The following LRRC7 variants were observed in gnomAD, a reference collection of about 807,000 sequenced individuals.
LRRC7 encodes the protein leucine-rich repeat-containing protein 7.
LRRC7 carries 23 observed loss-of-function variants against 175.7 expected under a neutral mutation model. That is an observed-to-expected ratio of 0.13 (90% CI 0.09 to 0.19). The LOEUF (loss-of-function observed/expected upper bound fraction) is 0.19, where lower values mean the gene tolerates loss of function less well. LRRC7 is among the 10% of genes least tolerant of loss of function. The pLI is 1.00. For missense variants in LRRC7, 1,354 were observed against 1,904.7 expected, an observed-to-expected ratio of 0.71 and a Z score of 5.38; for synonymous variants, 685 against 680.9, an observed-to-expected ratio of 1.01 and a Z score of -0.09.
chr1:69,652,870 A>T (rs1349557470), intron 1 of LRRC7, among the ~76,000 whole-genome samples: 3 of 152,146 alleles, frequency 2.0e-5, no homozygotes, highest in African/African-American at 7.2e-5. Context: ...TGGCATCAAG[A>T]CTATTCAATG....
intron 1 of LRRC7, among the ~76,000 whole-genome samples, chr1:69,652,678 T>C (rs1218982498): frequency 6.6e-6 from 1 of 151,972 alleles, no homozygotes; most frequent in East Asian, 1.9e-4. Context: ...CAAAGGACTC[T>C]GAATAGCCAT....
intron 1 of LRRC7, among the ~76,000 whole-genome samples, chr1:69,575,251 A>G (rs917812733): frequency 2.0e-5 from 3 of 152,264 alleles, no homozygotes; most frequent in Admixed American, 6.5e-5. Context: ...CAGTAAAACC[A>G]CACCCTTGGA....
intron 3 of LRRC7, among the ~76,000 whole-genome samples, chr1:69,784,444 A>G (rs990037981): frequency 2.6e-5 from 4 of 152,204 alleles, no homozygotes; most frequent in African/African-American, 9.7e-5. Flanking sequence ...ACATTTTAAA[A>G]GACACAAACA....
intron 7 of LRRC7, among the ~76,000 whole-genome samples, chr1:69,898,690 C>T (rs1646049333): frequency 6.6e-6 from 1 of 151,914 alleles, no homozygotes; most frequent in Non-Finnish European, 1.5e-5. Flanking sequence ...GCTGCTGCTG[C>T]TCAAATGATA....
intron 3 of LRRC7, among the ~76,000 whole-genome samples, chr1:69,787,190 G>A (rs1674542621): frequency 6.6e-6 from 1 of 152,216 alleles, no homozygotes; most frequent in South Asian, 2.1e-4. Context: ...CAAGAGGTGG[G>A]CTCCCACAGC....
intron 1 of LRRC7, among the ~76,000 whole-genome samples, chr1:69,583,467 C>T (rs1569689352): frequency 6.6e-6 from 1 of 152,068 alleles, no homozygotes; most frequent in Non-Finnish European, 1.5e-5. Flanking sequence ...ACCACTAGGT[C>T]AGTGGTTTTC....
At chr1:69,891,919 G>A (rs1645846404) in intron 7 of LRRC7, among the ~76,000 whole-genome samples, 1 of 151,984 alleles carries the variant, frequency 6.6e-6, no homozygotes, top group Non-Finnish European at 1.5e-5. Flanking sequence ...AAATACCTGT[G>A]AAGCACAATA....
chr1:69,811,236 G>A (rs1331641446), intron 4 of LRRC7, among the ~76,000 whole-genome samples: 1 of 152,140 alleles, frequency 6.6e-6, no homozygotes, highest in African/African-American at 2.4e-5. Context: ...TCTCACATCA[G>A]TTAGAATGGC....
intron 1 of LRRC7, among the ~76,000 whole-genome samples, chr1:69,656,449 T>A (rs1275903233): frequency 6.6e-6 from 1 of 152,004 alleles, no homozygotes; most frequent in Non-Finnish European, 1.5e-5. Flanking sequence ...ATTTGTCATA[T>A]GAGTTTGTAG....
chr1:69,938,614 A>G (rs1648295368), intron 8 of LRRC7, among the ~76,000 whole-genome samples: 2 of 152,048 alleles, frequency 1.3e-5, no homozygotes, highest in Non-Finnish European at 1.5e-5. Flanking sequence ...TACTTATGCT[A>G]ATGTTTTCAT....
chr1:69,783,340 G>T (rs911079543), intron 3 of LRRC7, among the ~76,000 whole-genome samples: 3 of 152,196 alleles, frequency 2.0e-5, no homozygotes, highest in African/African-American at 7.2e-5. Flanking sequence ...GTGAGAGAGG[G>T]ATAGACAAAT....
intron 11 of LRRC7, among the ~76,000 whole-genome samples, chr1:70,008,334 A>T (rs1397734056): frequency 6.6e-6 from 1 of 152,194 alleles, no homozygotes; most frequent in East Asian, 1.9e-4. Flanking sequence ...TTTTGGCAAC[A>T]CCTACACAGA....
At chr1:69,760,144 G>C (rs1459901467) in intron 2 of LRRC7, 47 bp from the exon 3 acceptor site, 2 of 1,586,948 alleles carry the variant, frequency 1.3e-6, no homozygotes, top group Non-Finnish European at 1.7e-6. Flanking sequence ...CCTTCCAAGG[G>C]CACTGGATAA....
chr1:70,045,167 G>GT (rs1259744058), intron 22 of LRRC7, among the ~76,000 whole-genome samples: 1 of 151,480 alleles, frequency 6.6e-6, no homozygotes. Context: ...ATCACTCACC[G>GT]TAACTTTAAA....
chr1:70,076,114 G>A lies in LRRC7; in HGVS notation c.4268G>A (p.Ser1423Asn). The A allele has an allele frequency of 6.2e-7, 1 of 1,613,954 alleles. No individual in the cohort carries two copies. Reference protein sequence around the residue: ...SHIQTLMGSQSLQHRSREQQP... With the variant: ...SHIQTLMGSQNLQHRSREQQP... Reference sequence around the variant, plus strand: ...ATCCAGACGTTGATGGGGTCCCAAAGCCTTCAGCATCGCAGCCGGGAGCAG... The same window carrying A: ...ATCCAGACGTTGATGGGGTCCCAAAACCTTCAGCATCGCAGCCGGGAGCAG... Residue 1423 changes from serine to asparagine, a missense_variant, in exon 24 of 27, where the codon AGC (serine) becomes AAC (asparagine). By Grantham distance (46) the Ser-to-Asn change is conservative. Coordinates refer to ENST00000651989, the MANE Select transcript of LRRC7 (RefSeq NM_001370785.2).
At chr1:69,641,921 A>G (rs1205189969) in intron 1 of LRRC7, among the ~76,000 whole-genome samples, 2 of 151,880 alleles carry the variant, frequency 1.3e-5, no homozygotes, top group African/African-American at 2.4e-5. Context: ...TTTTAATAAT[A>G]GTAAAAAGTT....
intron 15 of LRRC7, among the ~76,000 whole-genome samples, chr1:70,019,313 T>A (rs151289757): frequency 5.3e-4 from 80 of 152,132 alleles, no homozygotes; most frequent in African/African-American, 1.7e-3. Context: ...TTCTTTCTTT[T>A]CAAGTTGAGT....
At chr1:69,718,296 G>A (rs115063185) in intron 2 of LRRC7, among the ~76,000 whole-genome samples, 2,159 of 151,796 alleles carry the variant, frequency 0.014, 28 homozygotes, top group Middle Eastern at 0.027. Context: ...CAGGAATGTG[G>A]TAGAGGTAGA....
intron 21 of LRRC7, among the ~76,000 whole-genome samples, chr1:70,042,034 T>C (rs1452741314): frequency 2.0e-5 from 3 of 152,222 alleles, no homozygotes; most frequent in Non-Finnish European, 4.4e-5. Flanking sequence ...GTGTCTTTCA[T>C]TTTTCAAAGC....
Sources: gnomAD v4.1 joint callset for allele counts (sites outside exome capture counted in the v4.1 genomes callset) on GRCh38, gnomAD v4.1.1 for gene constraint, MANE v1.5 for transcripts, NCBI Gene and HGNC (gene_info 2026-07-23, HGNC 2026-07-21) for gene names.